Variants in PPFIBP2 observed in about 807,000 individuals in gnomAD.
PPFIBP2 encodes the protein liprin-beta-2.
A neutral mutation model predicts 118.3 loss-of-function variants in PPFIBP2; 118 were observed. That is an observed-to-expected ratio of 1.00 (90% CI 0.86 to 1.16). PPFIBP2 has a LOEUF of 1.16. Ranked by LOEUF, PPFIBP2 falls within the 50% of genes most tolerant of loss-of-function variation. The pLI is 0.00. For synonymous variants in PPFIBP2, 414 were observed against 397.4 expected, an observed-to-expected ratio of 1.04 and a Z score of -0.50; for missense variants, 1,195 against 1,073.1, an observed-to-expected ratio of 1.11 and a Z score of -1.59.
At chr11:7,564,488 T>C (rs1396652108) in intron 2 of PPFIBP2, among the ~76,000 whole-genome samples, 1 of 152,224 alleles carries the variant, frequency 6.6e-6, no homozygotes, top group African/African-American at 2.4e-5. Context: ...ATCTTCTAAC[T>C]GGGAAGATCC....
chr11:7,664,861 C>T, the PPFIBP2 span, among the ~76,000 whole-genome samples: 1 of 132,790 alleles, frequency 7.5e-6, no homozygotes, highest in Admixed American at 8.4e-5. Flanking sequence ...GGATTTAAGG[C>T]AGTTTCTGGA....
chr11:7,555,059 T>C (rs1032511965), intron 2 of PPFIBP2, among the ~76,000 whole-genome samples: 2 of 152,146 alleles, frequency 1.3e-5, no homozygotes, highest in African/African-American at 4.8e-5. Flanking sequence ...GAACTCTATA[T>C]TGCTTAATTA....
chr11:7,639,955 C>T (rs1851938900), intron 15 of PPFIBP2, 85 bp downstream of exon 15: 3 of 1,496,236 alleles, frequency 2.0e-6, no homozygotes, highest in Non-Finnish European at 2.7e-6. Flanking sequence ...GCACCTACCA[C>T]CACAATCCAC....
At chr11:7,644,841 A>C (rs1442694697) in intron 17 of PPFIBP2, among the ~76,000 whole-genome samples, 12 of 151,108 alleles carry the variant, frequency 7.9e-5, no homozygotes, top group South Asian at 2.1e-4. Flanking sequence ...TCCCGGCTAA[A>C]ACGGTGAAAC....
chr11:7,610,593 C>A, intron 6 of PPFIBP2, 171 bp downstream of exon 6: 1 of 918,518 alleles, frequency 1.1e-6, no homozygotes, highest in Non-Finnish European at 1.6e-6. Context: ...GCTGTGGCTG[C>A]AAATTTCAGC....
chr11:7,635,699 G>A (rs1306274411), intron 14 of PPFIBP2, 106 bp downstream of exon 14: 7 of 1,216,198 alleles, frequency 5.8e-6, no homozygotes, highest in Non-Finnish European at 8.4e-6. Flanking sequence ...CCAACTGTAA[G>A]GAGTAAGAGG....
chr11:7,620,504 C>T (rs534198864), intron 6 of PPFIBP2, among the ~76,000 whole-genome samples: 5 of 152,186 alleles, frequency 3.3e-5, no homozygotes, highest in South Asian at 2.1e-4. Context: ...CCTCTTCTAT[C>T]TTCCTTCACT....
At chr11:7,522,679 T>C (rs548009329) in intron 1 of PPFIBP2, among the ~76,000 whole-genome samples, 1 of 152,286 alleles carries the variant, frequency 6.6e-6, no homozygotes, top group East Asian at 1.9e-4. Flanking sequence ...TGGAGTCTTA[T>C]AGGTCAAGCA....
intron 1 of PPFIBP2, among the ~76,000 whole-genome samples, chr11:7,545,580 G>A (rs1370392238): frequency 6.6e-6 from 1 of 152,170 alleles, no homozygotes; most frequent in East Asian, 1.9e-4. Context: ...GAGGTCTGTA[G>A]ATACAGGAAA....
intron 2 of PPFIBP2, among the ~76,000 whole-genome samples, chr11:7,556,674 GTC>G (rs1376438795): frequency 1.3e-5 from 2 of 152,072 alleles, no homozygotes; most frequent in Non-Finnish European, 2.9e-5. Flanking sequence ...AAATTTGATA[GTC>G]TGTCAGTAAT....
chr11:7,665,812 C>T, the PPFIBP2 span: 2 of 1,520,950 alleles, frequency 1.3e-6, no homozygotes, highest in Non-Finnish European at 1.8e-6. Flanking sequence ...GGAAGGAGAA[C>T]ACAACGAGGT....
In PPFIBP2 at chr11:7,555,731, A is replaced by C. The variant is rs1853536067; in HGVS notation, c.64+6192A>C. ...GGGCACCCGCTGTTTGACAGCCCTC[A>C]TTCCATTTTTCCCTCACTGGTAGAC... On this transcript the variant is annotated intron_variant, in intron 2 of 23. Transcript: ENST00000299492. 1.3e-5 allele frequency among the ~76,000 whole-genome samples: 2 copies of C among 152,184 alleles called. 1 individual carries two copies. The highest frequency in any genetic ancestry group is 4.1e-4 in the South Asian group (2 of 4,832).
At chr11:7,556,221 C>T (rs891067120) in intron 2 of PPFIBP2, among the ~76,000 whole-genome samples, 6 of 152,052 alleles carry the variant, frequency 3.9e-5, no homozygotes, top group Non-Finnish European at 8.8e-5. Flanking sequence ...TTTGGGAGGC[C>T]GAGGCGGGCG....
chr11:7,631,076 C>G, intron 11 of PPFIBP2, 48 bp downstream of exon 11: 1 of 1,448,956 alleles, frequency 6.9e-7, no homozygotes, highest in Non-Finnish European at 9.7e-7. Flanking sequence ...GTCCTCCGAG[C>G]TTGCCCTGAG....
chr11:7,640,164 C>G (rs369009013), intron 15 of PPFIBP2, among the ~76,000 whole-genome samples: 1 of 152,138 alleles, frequency 6.6e-6, no homozygotes, highest in Non-Finnish European at 1.5e-5. Flanking sequence ...TTCCTCCTCT[C>G]GAACTCTTTC....
At chr11:7,602,029 G>T (rs1846703467) in intron 5 of PPFIBP2, among the ~76,000 whole-genome samples, 1 of 146,962 alleles carries the variant, frequency 6.8e-6, no homozygotes, top group African/African-American at 2.5e-5. Flanking sequence ...AGAGACGGAG[G>T]TTGCAGTGAG....
intron 3 of PPFIBP2, among the ~76,000 whole-genome samples, chr11:7,584,855 C>CT (rs1857849919): frequency 6.6e-6 from 1 of 152,160 alleles, no homozygotes; most frequent in African/African-American, 2.4e-5. Context: ...ACTTTGATAT[C>CT]TCCCCTGATG....
At chr11:7,607,209 C>CTTT (rs55981312) in intron 5 of PPFIBP2, among the ~76,000 whole-genome samples, 4 of 120,038 alleles carry the variant, frequency 3.3e-5, no homozygotes, top group African/African-American at 9.6e-5. Flanking sequence ...CGCGCCCGGC[C>CTTT]TTTTTTTTTT....
At position 7,648,527 on chromosome 11, in the gene PPFIBP2, A is replaced by G. The variant is rs201968764; in HGVS notation, c.1787A>G (p.Asp596Gly). ...GHTLLTATPQ[D>G]MEKELGIKHP... ...ACCTTATTGACAGCCACCCCTCAGG[A>G]CATGGAAAAGGTAAGGGCTCAGCTT... Residue 596 changes from aspartate (D) to glycine (G), a missense_variant, in exon 18 of 24, where the codon GAC becomes GGC. Transcript: ENST00000299492. 3.4e-5 allele frequency: 55 copies of G among 1,613,898 alleles called. No homozygotes were observed. The highest frequency in any genetic ancestry group is 3.3e-4 in the Middle Eastern group (2 of 6,084).
Sources: gnomAD v4.1 joint callset for allele counts (sites outside exome capture counted in the v4.1 genomes callset) on GRCh38, gnomAD v4.1.1 for gene constraint, MANE v1.5 for transcripts, NCBI Gene and HGNC (gene_info 2026-07-23, HGNC 2026-07-21) for gene names.